Variants in CFH observed in about 807,000 individuals in gnomAD.
The protein encoded by CFH is H factor 1 (complement).
CFH carries 53 observed loss-of-function variants against 147.3 expected under a neutral mutation model. That is an observed-to-expected ratio of 0.36 (90% CI 0.29 to 0.45). The LOEUF is 0.45. Among genes scored for constraint, CFH ranks in the 20% least tolerant of loss-of-function variants. The pLI, the probability that CFH is intolerant of heterozygous loss-of-function variation, is 1.00. For missense variants in CFH, 1,380 were observed against 1,498.0 expected (o/e 0.92, Z 1.30); for synonymous variants, 536 against 489.4 (o/e 1.10, Z -1.26).
chr1:196,737,928 A>T (rs1652633132), intron 17 of CFH, among the ~76,000 whole-genome samples: 1 of 152,164 alleles, frequency 6.6e-6, no homozygotes, highest in South Asian at 2.1e-4. Context: ...TGCCATAAAG[A>T]ACTGCCCAAT....
intron 1 of CFH, among the ~76,000 whole-genome samples, chr1:196,662,949 TATAG>T (rs1666958789): frequency 6.6e-6 from 1 of 151,152 alleles, no homozygotes; most frequent in African/African-American, 2.4e-5. Context: ...TAGAATTCTA[TATAG>T]ATAGTTATTT....
At position 196,689,581 on chromosome 1, in the gene CFH, C is replaced by G. The variant is rs1573026975; in HGVS notation, c.1126C>G (p.Gln376Glu). Residue 376 changes from glutamine (Q) to glutamate (E), a missense_variant, in exon 8 of 22, where the codon CAA (glutamine) becomes GAA (glutamate). Around this residue, in one of 4 missense-constraint regions of CFH, gnomAD observed 167 missense variants for 228.0 expected, o/e 0.73. Coordinates refer to ENST00000367429, the MANE Select transcript of CFH (RefSeq NM_000186.4). The part of the protein sequence containing the change: ...GSYWDHIHCT[Q>E]DGWSPAVPCL... The stretch of plus-strand genomic sequence containing the variant: ...TTACTGGGATCACATTCATTGCACA[C>G]AAGATGGATGGTCGCCAGCAGTACC... 2 of 1,613,360 alleles carry G rather than the reference C, an allele frequency of 1.2e-6. No individual in the cohort carries two copies. The highest frequency in any genetic ancestry group is 1.7e-6 in the Non-Finnish European group (2 of 1,179,678).
At chr1:196,685,576 A>T (rs1230807208) in intron 7 of CFH, among the ~76,000 whole-genome samples, 2 of 152,126 alleles carry the variant, frequency 1.3e-5, no homozygotes, top group Non-Finnish European at 2.9e-5. Context: ...TACTTAAAAC[A>T]ACTAACCTTT....
intron 11 of CFH, among the ~76,000 whole-genome samples, chr1:196,720,891 A>G (rs997121077): frequency 3.3e-5 from 5 of 152,002 alleles, no homozygotes; most frequent in African/African-American, 9.7e-5. Context: ...TCTGTTTTCC[A>G]TAGAGGTTGT....
chr1:196,703,403 G>C (rs892224862), intron 9 of CFH, among the ~76,000 whole-genome samples: 1 of 152,154 alleles, frequency 6.6e-6, no homozygotes, highest in African/African-American at 2.4e-5. Context: ...GATAGCTGGG[G>C]AGCTTGAGAG....
chr1:196,684,578 T>C (rs555550219), intron 6 of CFH, among the ~76,000 whole-genome samples: 1 of 152,072 alleles, frequency 6.6e-6, no homozygotes, highest in East Asian at 1.9e-4. Context: ...CTTTTAAAAC[T>C]TCTCTCTAAA....
intron 21 of CFH, 33 bp downstream of exon 21, chr1:196,746,032 ATC>A (rs1558186980): frequency 6.2e-7 from 1 of 1,613,922 alleles, no homozygotes; most frequent in Non-Finnish European, 8.5e-7. Context: ...GGCTGGAAAA[ATC>A]TCTGTGATGA....
chr1:196,689,816 T>C (rs1244129525), intron 8 of CFH, among the ~76,000 whole-genome samples: 1 of 152,034 alleles, frequency 6.6e-6, no homozygotes, highest in Non-Finnish European at 1.5e-5. Flanking sequence ...TATAGGGACT[T>C]TATGAGAATA....
chr1:196,677,530 C>T lies in CFH; in HGVS notation c.482C>T (p.Ala161Val). The change falls in exon 5 of 22, where the codon GCA becomes GTA. Residue 161 changes from alanine to valine, a missense_variant. By Grantham distance (64) the Ala-to-Val change is moderately conservative. Coordinates refer to ENST00000367429, the MANE Select transcript of CFH (RefSeq NM_000186.4). ...GAGAATGGAAAAATTGTCAGTAGTGCAATGGAACCAGATCGGGAATACCAT... is the reference window on the plus strand; with the variant it reads ...GAGAATGGAAAAATTGTCAGTAGTGTAATGGAACCAGATCGGGAATACCAT... ...APENGKIVSS[A>V]MEPDREYHFG... The T allele has an allele frequency of 1.2e-6, 2 of 1,613,044 alleles. No individual in the cohort carries two copies. The highest frequency in any genetic ancestry group is 1.7e-6 in the Non-Finnish European group (2 of 1,179,400).
At chr1:196,682,898 T>C (rs1040073269) in intron 6 of CFH, among the ~76,000 whole-genome samples, 1 of 151,576 alleles carries the variant, frequency 6.6e-6, no homozygotes, top group Non-Finnish European at 1.5e-5. Context: ...GAACGAAGTA[T>C]AAACTTAGGA....
At chr1:196,720,492 G>A (rs903380685) in intron 11 of CFH, among the ~76,000 whole-genome samples, 1 of 151,828 alleles carries the variant, frequency 6.6e-6, no homozygotes, top group Non-Finnish European at 1.5e-5. Flanking sequence ...CTGTCCATAT[G>A]TACGCATTAT....
At chr1:196,658,613 G>T (rs1030438105) in intron 1 of CFH, among the ~76,000 whole-genome samples, 1 of 151,670 alleles carries the variant, frequency 6.6e-6, no homozygotes, top group Non-Finnish European at 1.5e-5. Context: ...GAGTTTCACC[G>T]TGTTAGTGTT....
At chr1:196,743,735 A>G in intron 20 of CFH, 107 bp downstream of exon 20, 1 of 1,494,274 alleles carries the variant, frequency 6.7e-7, no homozygotes, top group Non-Finnish European at 9.3e-7. Context: ...TTCAAATGCA[A>G]ATAAAATGAC....
intron 1 of CFH, among the ~76,000 whole-genome samples, chr1:196,656,332 G>T (rs1028497327): frequency 6.7e-6 from 1 of 150,154 alleles, no homozygotes; most frequent in Admixed American, 6.6e-5. Context: ...AAGAAAGAAA[G>T]AAAGAAAGAA....
At chr1:196,723,272 G>A (rs1485856186) in intron 11 of CFH, among the ~76,000 whole-genome samples, 1 of 151,978 alleles carries the variant, frequency 6.6e-6, no homozygotes, top group Non-Finnish European at 1.5e-5. Flanking sequence ...TGACTACGAT[G>A]TATGTTGTAT....
At chr1:196,663,997 C>T (rs1036055245) in intron 1 of CFH, among the ~76,000 whole-genome samples, 1 of 152,136 alleles carries the variant, frequency 6.6e-6, no homozygotes, top group Non-Finnish European at 1.5e-5. Flanking sequence ...TAATTCTTTA[C>T]TGTCTCGTCA....
chr1:196,685,272 T>C, intron 7 of CFH, 35 bp downstream of exon 7: 1 of 1,606,290 alleles, frequency 6.2e-7, no homozygotes, highest in South Asian at 1.1e-5. Context: ...CATTTCTTAA[T>C]TCTGAAATTT....
intron 1 of CFH, among the ~76,000 whole-genome samples, chr1:196,667,275 T>C (rs1667133121): frequency 6.6e-6 from 1 of 152,190 alleles, no homozygotes; most frequent in East Asian, 1.9e-4. Flanking sequence ...CACAATATGG[T>C]CAATTTCAAG....
chr1:196,720,044 T>G (rs1296244061), intron 11 of CFH, among the ~76,000 whole-genome samples: 2 of 151,896 alleles, frequency 1.3e-5, no homozygotes, highest in Non-Finnish European at 2.9e-5. Flanking sequence ...CTAATAAATC[T>G]TTGATGAGAA....
Sources: allele counts gnomAD v4.1 joint callset (sites outside exome capture counted in the v4.1 genomes callset), GRCh38; gene constraint gnomAD v4.1.1; regional missense constraint gnomAD v4.1.1; transcripts MANE v1.5; gene names NCBI Gene and HGNC (gene_info 2026-07-23, HGNC 2026-07-21).